The following SIAH3 variants were observed in gnomAD, a reference collection of about 807,000 sequenced individuals.
The protein encoded by SIAH3 is seven in absentia homolog 3.
In SIAH3, 9 loss-of-function variants were observed where a neutral mutation model predicts 12.6. The ratio of observed to expected loss-of-function variants is 0.72; its 90% CI spans 0.43 to 1.25. The LOEUF is 1.25. Among genes scored for constraint, SIAH3 ranks in the 50% most tolerant of loss-of-function variants. The probability of loss-of-function intolerance (pLI) is 0.00; values close to 1 mark genes in which losing one functional copy is unlikely to be tolerated. For missense variants in SIAH3, 390 were observed against 365.4 expected, an observed-to-expected ratio of 1.07 and a Z score of -0.55; for synonymous variants, 154 against 151.1, an observed-to-expected ratio of 1.02 and a Z score of -0.14.
chr13:45,850,126 C>T (rs915301146), intron 1 of SIAH3, among the ~76,000 whole-genome samples: 1 of 152,208 alleles, frequency 6.6e-6, no homozygotes, highest in African/African-American at 2.4e-5. Flanking sequence ...TGGCATTCGT[C>T]ACAGCTGGGA....
chr13:45,812,607 A>G (rs1395942363), intron 1 of SIAH3, among the ~76,000 whole-genome samples: 1 of 152,206 alleles, frequency 6.6e-6, no homozygotes, highest in Non-Finnish European at 1.5e-5. Context: ...ACCCCGGGGT[A>G]CAGCTTCCTT....
chr13:45,783,902 C>T lies in SIAH3; in HGVS notation c.291G>A (p.Leu97=). The T allele has an allele frequency of 1.2e-6, 2 of 1,611,586 alleles. No homozygotes were observed. The highest frequency in any genetic ancestry group is 1.7e-6 in the Non-Finnish European group (2 of 1,178,690). The part of the protein sequence containing the change: ...PHHLHHQEAG[L]HANPVTPCLC... ...GGCAGGGCGTCACCGGGTTGGCGTG[C>T]AGCCCCGCCTCCTGGTGGTGAAGGT... Residue 97 remains leucine, a synonymous_variant, in exon 2 of 2, where the codon CTG becomes CTA. Transcript: ENST00000400405.
chr13:45,785,155 C>G (rs150690476), intron 1 of SIAH3, among the ~76,000 whole-genome samples: 1 of 152,292 alleles, frequency 6.6e-6, no homozygotes, highest in African/African-American at 2.4e-5. Context: ...TCCAGTGATT[C>G]CTGCCTTCAG....
chr13:45,831,614 AGGGACAC>A (rs1950699534), intron 1 of SIAH3, among the ~76,000 whole-genome samples: 1 of 152,150 alleles, frequency 6.6e-6, no homozygotes, highest in Non-Finnish European at 1.5e-5. Flanking sequence ...ATGAGAAGGC[AGGGACAC>A]CATAGAAACA....
At chr13:45,800,336 T>C (rs1432792157) in intron 1 of SIAH3, among the ~76,000 whole-genome samples, 1 of 152,238 alleles carries the variant, frequency 6.6e-6, no homozygotes, top group African/African-American at 2.4e-5. Context: ...CATATGAATG[T>C]AGCATAATTG....
rs141196279 is a variant in SIAH3, at chr13:45,840,222, C to G, written c.135+11273G>C. 5.1e-3 allele frequency among the ~76,000 whole-genome samples: 779 copies of G among 152,212 alleles called. 11 individuals are homozygous for G. Among genetic ancestry groups the G allele is most frequent in the African/African-American group, 0.018 (756 of 41,538 alleles). On this transcript the variant is annotated intron_variant, in intron 1 of 1. Transcript: ENST00000400405. ...GCAGTGAGTTGAGATCGCACCACTC[C>G]CCTCCAGCCTGGGTGACAGAGGGAA...
chr13:45,788,972 A>G (rs748281971), intron 1 of SIAH3, among the ~76,000 whole-genome samples: 3 of 152,294 alleles, frequency 2.0e-5, no homozygotes, highest in South Asian at 2.1e-4. Flanking sequence ...GGTGGAGGGT[A>G]GGGTAACATT....
At chr13:45,808,859 A>G (rs1285800106) in intron 1 of SIAH3, among the ~76,000 whole-genome samples, 7 of 152,216 alleles carry the variant, frequency 4.6e-5, no homozygotes, top group Admixed American at 4.6e-4. Context: ...AGTTATAGAG[A>G]AAAGAATGTT....
Position 45,781,729 on chromosome 13 carries a change from A to C in SIAH3, c.*1654T>G, listed in dbSNP as rs577843517. Reference sequence around the variant, plus strand: ...TGCGTGGGGGTGTAAGTTGGCACCAAAAGTGGCTGGAGAATTAACCCAGTT... The same window carrying C: ...TGCGTGGGGGTGTAAGTTGGCACCACAAGTGGCTGGAGAATTAACCCAGTT... On this transcript the variant is annotated 3_prime_UTR_variant, in exon 2 of 2. Coordinates refer to ENST00000400405, the MANE Select transcript of SIAH3 (RefSeq NM_198849.3). 6.6e-6 allele frequency: 1 copy of C among 152,224 alleles called. No individual in the cohort carries two copies. Among genetic ancestry groups the C allele is most frequent in the Non-Finnish European group, 1.5e-5 (1 of 68,054 alleles). The allele number at this position is 152,224 out of a possible 1,614,324, so 9.4% of individuals were successfully genotyped here. A position where few individuals can be genotyped will look rare whatever the true frequency, so the allele number is the denominator to read the frequency against.
chr13:45,781,124 A>G lies in SIAH3; in HGVS notation c.*2259T>C, dbSNP rs1055443058. Reference sequence around the variant, plus strand: ...TTATTCATAATACAGTCTTGTGTGCAGTGAAAATAACCTGAAGTCATTCCC... The same window carrying G: ...TTATTCATAATACAGTCTTGTGTGCGGTGAAAATAACCTGAAGTCATTCCC... On this transcript the variant is annotated 3_prime_UTR_variant, in exon 2 of 2. Transcript: ENST00000400405. 2 of 152,670 alleles carry G rather than the reference A, an allele frequency of 1.3e-5. No individual in the cohort carries two copies. Among genetic ancestry groups the G allele is most frequent in the African/African-American group, 4.8e-5 (2 of 41,460 alleles). 9.5% of individuals were successfully genotyped at this position (152,670 alleles called of 1,614,324 possible).
intron 1 of SIAH3, among the ~76,000 whole-genome samples, chr13:45,841,505 C>A (rs969823973): frequency 1.3e-5 from 2 of 152,148 alleles, no homozygotes; most frequent in Admixed American, 1.3e-4. Flanking sequence ...AACAGCCCTG[C>A]AATGAGCAGT....
chr13:45,831,617 G>T (rs151074595), intron 1 of SIAH3, among the ~76,000 whole-genome samples: 1 of 152,250 alleles, frequency 6.6e-6, no homozygotes, highest in Non-Finnish European at 1.5e-5. Context: ...AGAAGGCAGG[G>T]ACACCATAGA....
chr13:45,826,879 C>T (rs1002148996), intron 1 of SIAH3, among the ~76,000 whole-genome samples: 1 of 152,088 alleles, frequency 6.6e-6, no homozygotes, highest in African/African-American at 2.4e-5. Context: ...AGATTGACAC[C>T]CAGACCAACC....
intron 1 of SIAH3, among the ~76,000 whole-genome samples, chr13:45,792,780 G>A (rs1462165307): frequency 1.3e-5 from 2 of 152,190 alleles, no homozygotes; most frequent in Non-Finnish European, 2.9e-5. Context: ...TTTGCCTCCT[G>A]TCTTGCAAAT....
intron 1 of SIAH3, among the ~76,000 whole-genome samples, chr13:45,845,890 A>T (rs981656431): frequency 9.2e-5 from 14 of 151,762 alleles, no homozygotes; most frequent in African/African-American, 2.9e-4. Flanking sequence ...TAAAGGGGAG[A>T]TGGTAGAGTG....
chr13:45,820,774 C>A (rs1362618657), intron 1 of SIAH3, among the ~76,000 whole-genome samples: 1 of 152,160 alleles, frequency 6.6e-6, no homozygotes, highest in South Asian at 2.1e-4. Context: ...GGTTCTGGGG[C>A]CCTCAGAACT....
chr13:45,818,677 C>T (rs577609175), intron 1 of SIAH3, among the ~76,000 whole-genome samples: 1 of 152,366 alleles, frequency 6.6e-6, no homozygotes, highest in African/African-American at 2.4e-5. Context: ...ACATCACCTT[C>T]TCTTCTGTGT....
At chr13:45,792,440 C>T (rs1001523190) in intron 1 of SIAH3, among the ~76,000 whole-genome samples, 2 of 151,500 alleles carry the variant, frequency 1.3e-5, no homozygotes, top group African/African-American at 2.4e-5. Context: ...TCATTGCAAC[C>T]TTCGCCTCCT....
Position 45,803,137 on chromosome 13 carries a change from C to T in SIAH3, c.136-19080G>A, listed in dbSNP as rs113528141. Among the ~76,000 whole-genome samples, 748 of 151,934 alleles carry T rather than the reference C, an allele frequency of 4.9e-3. 2 individuals are homozygous for T. The highest frequency in any genetic ancestry group is 0.017 in the African/African-American group (712 of 41,438). ...AGGGTGTGGGCAGGAGTGCCTTAAT[C>T]TTTTAAGTAGTTTGAAAGTGAGGCC... On this transcript the variant is annotated intron_variant, in intron 1 of 1. Coordinates refer to ENST00000400405, the MANE Select transcript of SIAH3 (RefSeq NM_198849.3).
Sources: allele counts gnomAD v4.1 joint callset (sites outside exome capture counted in the v4.1 genomes callset), GRCh38; gene constraint gnomAD v4.1.1; transcripts MANE v1.5; gene names NCBI Gene and HGNC (gene_info 2026-07-23, HGNC 2026-07-21).